The following UBTD2 variants were observed in gnomAD, a reference collection of about 807,000 sequenced individuals.
UBTD2 encodes ubiquitin domain-containing protein 2.
Under a neutral mutation model 19.8 loss-of-function variants are expected in UBTD2, and 9 were observed. The ratio of observed to expected loss-of-function variants is 0.46; its 90% CI spans 0.27 to 0.79. The LOEUF (loss-of-function observed/expected upper bound fraction) is 0.79. UBTD2 is among the 30% of genes least tolerant of loss of function. UBTD2 has a pLI of 0.14. For missense variants in UBTD2, 250 were observed against 300.4 expected (o/e 0.83, Z 1.24); for synonymous variants, 98 against 103.9 (o/e 0.94, Z 0.35).
At chr5:172,267,560 C>T (rs1240881651) in intron 1 of UBTD2, among the ~76,000 whole-genome samples, 3 of 152,164 alleles carry the variant, frequency 2.0e-5, no homozygotes, top group Admixed American at 1.3e-4. Flanking sequence ...AAACAATACT[C>T]GGAGAAAATA....
chr5:172,251,279 A>G (rs2113064637), intron 1 of UBTD2, among the ~76,000 whole-genome samples: 1 of 145,832 alleles, frequency 6.9e-6, no homozygotes, highest in South Asian at 2.2e-4. Context: ...AGATCACACC[A>G]CTGCACTCCA....
intron 1 of UBTD2, among the ~76,000 whole-genome samples, chr5:172,268,477 C>T (rs1449228319): frequency 2.0e-5 from 3 of 152,252 alleles, no homozygotes; most frequent in East Asian, 1.9e-4. Context: ...GATTGTGGTA[C>T]ATTCTACAAG....
At chr5:172,237,338 C>T (rs540063883) in intron 1 of UBTD2, among the ~76,000 whole-genome samples, 32 of 152,248 alleles carry the variant, frequency 2.1e-4, no homozygotes, top group African/African-American at 6.3e-4. Flanking sequence ...ATGATCCGCC[C>T]GCCTCAGCCT....
Position 172,246,432 on chromosome 5 carries a change from T to C in UBTD2, c.71-12074A>G, listed in dbSNP as rs558258233. 8.0e-4 allele frequency among the ~76,000 whole-genome samples: 115 copies of C among 143,706 alleles called. No homozygotes were observed. The Middle Eastern group carries it at 0.011, about 13-fold the overall frequency. The allele number at this position is 143,706 out of a possible 152,430, so 94.3% of individuals were successfully genotyped here. A position where few individuals can be genotyped will look rare whatever the true frequency, so the allele number is the denominator to read the frequency against. On this transcript the variant is annotated intron_variant, in intron 1 of 2. Coordinates refer to ENST00000393792, the MANE Select transcript of UBTD2 (RefSeq NM_152277.3). Reference sequence around the variant, plus strand: ...CAAACCAATTTAAAAAAGAAACACATTGAGATTGCTTTTTTTTTTTTTTTT... The same window carrying C: ...CAAACCAATTTAAAAAAGAAACACACTGAGATTGCTTTTTTTTTTTTTTTT...
intron 1 of UBTD2, among the ~76,000 whole-genome samples, chr5:172,251,327 G>GAAAAAAAAAAAAAAAAAAAAAAAAAAA (rs1554129191): frequency 9.5e-6 from 1 of 104,802 alleles, no homozygotes; most frequent in African/African-American, 3.7e-5. Flanking sequence ...AAAAAAAAAA[G>GAAAAAAAAAAAAAAAAAAAAAAAAAAA]AAAATAGCCA....
chr5:172,273,127 G>A (rs1368547374), intron 1 of UBTD2, among the ~76,000 whole-genome samples: 1 of 150,544 alleles, frequency 6.6e-6, no homozygotes. Flanking sequence ...GTCCAAAGAA[G>A]AGGCATTATA....
chr5:172,248,136 T>C (rs1316781373), intron 1 of UBTD2, among the ~76,000 whole-genome samples: 2 of 151,772 alleles, frequency 1.3e-5, no homozygotes, highest in Non-Finnish European at 2.9e-5. Flanking sequence ...ACACAAAACA[T>C]ACAAAAACTT....
intron 1 of UBTD2, among the ~76,000 whole-genome samples, chr5:172,277,733 T>G (rs763735371): frequency 1.3e-4 from 19 of 150,806 alleles, no homozygotes; most frequent in Admixed American, 5.3e-4. Context: ...AACAACTTTG[T>G]ACATGAAAGG....
At chr5:172,278,388 G>A (rs1384575175) in intron 1 of UBTD2, among the ~76,000 whole-genome samples, 1 of 152,062 alleles carries the variant, frequency 6.6e-6, no homozygotes, top group African/African-American at 2.4e-5. Context: ...GCGTGGTGGT[G>A]CGTACCTATA....
chr5:172,225,933 CTTTTTTT>C (rs57155195), intron 2 of UBTD2, among the ~76,000 whole-genome samples: 113 of 107,506 alleles, frequency 1.1e-3, no homozygotes, highest in African/African-American at 2.6e-3. Context: ...GGCTTAAACT[CTTTTTTT>C]TTTTTTTTTT....
At position 172,279,351 on chromosome 5, in the gene UBTD2, G is replaced by C. The variant is rs77776649; in HGVS notation, c.70+4245C>G. Reference sequence around the variant, plus strand: ...CCACCTCATAAGGTTGTTAGGACCTGTTACATAATAAATACTGGATAAATG... The same window carrying C: ...CCACCTCATAAGGTTGTTAGGACCTCTTACATAATAAATACTGGATAAATG... On this transcript the variant is annotated intron_variant, in intron 1 of 2. Transcript: ENST00000393792. Among the ~76,000 whole-genome samples the C allele has an allele frequency of 5.3e-3, 813 of 152,326 alleles. 9 individuals are homozygous for C. Among genetic ancestry groups the C allele is most frequent in the African/African-American group, 0.018 (761 of 41,584 alleles).
At chr5:172,257,191 G>A (rs1474979562) in intron 1 of UBTD2, among the ~76,000 whole-genome samples, 3 of 152,154 alleles carry the variant, frequency 2.0e-5, no homozygotes, top group Non-Finnish European at 4.4e-5. Flanking sequence ...TTGCGTTTAC[G>A]TGTACTCAAT....
chr5:172,223,571 C>G (rs1350571779), intron 2 of UBTD2, among the ~76,000 whole-genome samples: 1 of 119,624 alleles, frequency 8.4e-6, no homozygotes, highest in Non-Finnish European at 1.6e-5. Flanking sequence ...TGCACTCCAG[C>G]CTGGGCGACG....
intron 1 of UBTD2, among the ~76,000 whole-genome samples, chr5:172,275,146 G>C: frequency 6.6e-6 from 1 of 152,210 alleles, no homozygotes; most frequent in East Asian, 1.9e-4. Flanking sequence ...CACGGTGGAA[G>C]GGGCAACAAA....
chr5:172,242,238 A>G (rs1356263466), intron 1 of UBTD2, among the ~76,000 whole-genome samples: 6 of 152,240 alleles, frequency 3.9e-5, no homozygotes, highest in African/African-American at 1.4e-4. Context: ...TAAATTACCC[A>G]GTCTCAGGTA....
intron 1 of UBTD2, among the ~76,000 whole-genome samples, chr5:172,251,661 A>C (rs1043275798): frequency 6.6e-6 from 1 of 152,140 alleles, no homozygotes; most frequent in Non-Finnish European, 1.5e-5. Flanking sequence ...AGAATACCAT[A>C]ACCAGCAAAG....
At chr5:172,266,621 T>G (rs1333195788) in intron 1 of UBTD2, among the ~76,000 whole-genome samples, 2 of 152,154 alleles carry the variant, frequency 1.3e-5, no homozygotes, top group African/African-American at 4.8e-5. Flanking sequence ...ATGAGAAAAG[T>G]AATGTCAGGT....
At chr5:172,278,079 A>C (rs1755643515) in intron 1 of UBTD2, among the ~76,000 whole-genome samples, 1 of 152,350 alleles carries the variant, frequency 6.6e-6, no homozygotes, top group South Asian at 2.1e-4. Context: ...CACTGCTGGT[A>C]AGAATAAGTG....
intron 2 of UBTD2, among the ~76,000 whole-genome samples, chr5:172,231,244 C>A (rs893009651): frequency 6.6e-6 from 1 of 152,056 alleles, no homozygotes; most frequent in Non-Finnish European, 1.5e-5. Flanking sequence ...GAAATATTGA[C>A]AAGATTCAGA....
Sources: gnomAD v4.1 joint callset for allele counts (sites outside exome capture counted in the v4.1 genomes callset) on GRCh38, gnomAD v4.1.1 for gene constraint, MANE v1.5 for transcripts, NCBI Gene and HGNC (gene_info 2026-07-23, HGNC 2026-07-21) for gene names.